Variants in CCSER1 observed in about 807,000 individuals in gnomAD.
CCSER1 encodes the protein serine-rich coiled-coil domain-containing protein 1.
In CCSER1, 41 loss-of-function variants were observed where a neutral mutation model predicts 82.0. The ratio of observed to expected loss-of-function variants is 0.50; its 90% CI spans 0.39 to 0.65. The LOEUF (loss-of-function observed/expected upper bound fraction) is 0.65, where lower values mean the gene tolerates loss of function less well. Among genes scored for constraint, CCSER1 ranks in the 30% least tolerant of loss-of-function variants. CCSER1 has a pLI of 0.00. For missense variants in CCSER1, 1,119 were observed against 1,064.2 expected, an observed-to-expected ratio of 1.05 and a Z score of -0.72; for synonymous variants, 414 against 383.9, an observed-to-expected ratio of 1.08 and a Z score of -0.92.
chr4:90,333,435 C>CA (rs1268778424), intron 3 of CCSER1, among the ~76,000 whole-genome samples: 1 of 151,324 alleles, frequency 6.6e-6, no homozygotes, highest in Non-Finnish European at 1.5e-5. Flanking sequence ...CAAAACGAAA[C>CA]AAAAAAAGAA....
chr4:90,148,883 A>G (rs1726300499), intron 1 of CCSER1, among the ~76,000 whole-genome samples: 1 of 152,134 alleles, frequency 6.6e-6, no homozygotes, highest in Admixed American at 6.6e-5. Context: ...TAGGCATTGG[A>G]ATACTGTCTT....
rs2110368104 is a variant in CCSER1, at chr4:91,602,121, T to G, written c.*3064T>G. ...GGTAAAACCTGGAGCCACATGTTAT[T>G]CAAGTTATTTTTGTTATCTAATGAT... is the stretch of plus-strand genomic sequence containing the variant. On this transcript the variant is annotated 3_prime_UTR_variant, in exon 11 of 11. Transcript: ENST00000509176. Among the ~76,000 whole-genome samples, 1 of 152,184 alleles carries G rather than the reference T, an allele frequency of 6.6e-6. No homozygotes were observed.
intron 6 of CCSER1, chr4:90,642,523 T>G (rs749003551): frequency 6.6e-6 from 1 of 152,198 alleles, no homozygotes. Context: ...CATTTACTAT[T>G]TCAAATATTG....
At chr4:90,958,493 AT>A (rs112640977) in intron 9 of CCSER1, among the ~76,000 whole-genome samples, 3,198 of 145,950 alleles carry the variant, frequency 0.022, 59 homozygotes, top group African/African-American at 0.051. Flanking sequence ...ATGGTAAAAC[AT>A]TTTTTTTTTT....
intron 10 of CCSER1, among the ~76,000 whole-genome samples, chr4:91,376,643 A>C (rs1750434151): frequency 6.6e-6 from 1 of 152,204 alleles, no homozygotes; most frequent in South Asian, 2.1e-4. Flanking sequence ...AATTATTCAA[A>C]TTAAACTAAG....
rs1760889229 is a variant in CCSER1, at chr4:90,447,952, G to A, written c.1604-20282G>A. ...TTCAGGGTTTTTTATTGTTTCCTTG[G>A]CAAATTCAGGTAGAATATGTTTCCT... On this transcript the variant is annotated intron_variant, in intron 4 of 10. Transcript: ENST00000509176. 2.6e-5 allele frequency among the ~76,000 whole-genome samples: 4 copies of A among 151,558 alleles called. No homozygotes were observed. In the South Asian group the frequency reaches 6.2e-4, roughly 24 times the overall value.
At chr4:91,542,552 G>T (rs1051114811) in intron 10 of CCSER1, among the ~76,000 whole-genome samples, 12 of 152,094 alleles carry the variant, frequency 7.9e-5, no homozygotes, top group Non-Finnish European at 1.2e-4. Flanking sequence ...CCTTCATTTT[G>T]TTATGTACCC....
chr4:90,756,397 AC>A (rs1749532411), intron 7 of CCSER1, among the ~76,000 whole-genome samples: 1 of 152,144 alleles, frequency 6.6e-6, no homozygotes, highest in Admixed American at 6.5e-5. Flanking sequence ...CAAAAATAAT[AC>A]AAACAACTTT....
chr4:91,332,680 C>T (rs956391168), intron 10 of CCSER1, among the ~76,000 whole-genome samples: 1 of 151,946 alleles, frequency 6.6e-6, no homozygotes, highest in Admixed American at 6.6e-5. Flanking sequence ...TAACATCCAT[C>T]AAGATCATTA....
chr4:91,171,677 C>T (rs762672346), intron 10 of CCSER1, among the ~76,000 whole-genome samples: 1 of 152,010 alleles, frequency 6.6e-6, no homozygotes, highest in African/African-American at 2.4e-5. Flanking sequence ...TGACACTTCT[C>T]TATACTATTT....
rs979930774 is a variant in CCSER1 at position 91,602,103 on chromosome 4, C to T, written c.*3046C>T. 3.9e-5 allele frequency among the ~76,000 whole-genome samples: 6 copies of T among 151,972 alleles called. No homozygotes were observed. In the East Asian group the frequency reaches 1.2e-3, roughly 29 times the overall value. On this transcript the variant is annotated 3_prime_UTR_variant, in exon 11 of 11. Transcript: ENST00000509176. The stretch of plus-strand genomic sequence containing the variant: ...CACTATCAATACGGTCAGGGTAAAA[C>T]CTGGAGCCACATGTTATTCAAGTTA...
At chr4:91,591,635 ATAT>A (rs1354777649) in intron 10 of CCSER1, among the ~76,000 whole-genome samples, 5 of 152,154 alleles carry the variant, frequency 3.3e-5, no homozygotes, top group East Asian at 1.9e-4. Context: ...AAATTAGATA[ATAT>A]TATGACCACT....
chr4:91,192,193 C>T (rs1188074891), intron 10 of CCSER1, among the ~76,000 whole-genome samples: 2 of 151,882 alleles, frequency 1.3e-5, no homozygotes, highest in African/African-American at 4.8e-5. Context: ...AGTTTTATGC[C>T]CCCACTTTTC....
At chr4:90,261,780 A>T (rs1306901281) in intron 1 of CCSER1, among the ~76,000 whole-genome samples, 2 of 151,910 alleles carry the variant, frequency 1.3e-5, no homozygotes, top group African/African-American at 4.8e-5. Flanking sequence ...TTTCTTGGAG[A>T]CTTTGTGTAT....
chr4:90,252,966 C>A (rs114550330), intron 1 of CCSER1, among the ~76,000 whole-genome samples: 1 of 151,866 alleles, frequency 6.6e-6, no homozygotes, highest in Non-Finnish European at 1.5e-5. Context: ...CTGTAGAAGG[C>A]ATACTTTGAA....
chr4:91,340,883 C>A (rs1463810995), intron 10 of CCSER1, among the ~76,000 whole-genome samples: 1 of 152,114 alleles, frequency 6.6e-6, no homozygotes, highest in Non-Finnish European at 1.5e-5. Context: ...AGTATCTCTG[C>A]CTGGCTTTAA....
intron 9 of CCSER1, among the ~76,000 whole-genome samples, chr4:91,048,209 G>A (rs1166211875): frequency 2.6e-5 from 4 of 151,914 alleles, no homozygotes; most frequent in Non-Finnish European, 5.9e-5. Context: ...ATAGATGGCA[G>A]TGACTATACT....
intron 4 of CCSER1, among the ~76,000 whole-genome samples, chr4:90,456,475 C>T (rs1014032951): frequency 3.3e-5 from 5 of 152,108 alleles, no homozygotes; most frequent in South Asian, 2.1e-4. Context: ...AACAGGCAGT[C>T]GGGGACTGGA....
At position 90,852,482 on chromosome 4, in the gene CCSER1, A is replaced by G. The variant is rs192466093; in HGVS notation, c.2094+36637A>G. 3.5e-3 allele frequency among the ~76,000 whole-genome samples: 536 copies of G among 152,330 alleles called. 1 individual carries two copies. The highest frequency in any genetic ancestry group is 5.9e-3 in the Admixed American group (91 of 15,312). ...CATGCACTGCAAGCCATGGTGCTGC[A>G]GAAGCCAGATACTGCAGAAGCTGCT... On this transcript the variant is annotated intron_variant, in intron 8 of 10. Transcript: ENST00000509176.
Sources: gnomAD v4.1 joint callset for allele counts (sites outside exome capture counted in the v4.1 genomes callset) on GRCh38, gnomAD v4.1.1 for gene constraint, MANE v1.5 for transcripts, NCBI Gene and HGNC (gene_info 2026-07-23, HGNC 2026-07-21) for gene names.